SLC36A1: variants seen among roughly 807,000 people sequenced by gnomAD.
The protein encoded by SLC36A1 is solute carrier family 36 member 1, also known as proton-coupled amino acid transporter 1.
In SLC36A1, 30 loss-of-function variants were observed where a neutral mutation model predicts 47.5. The ratio of observed to expected loss-of-function variants is 0.63; its 90% confidence interval spans 0.47 to 0.86. The LOEUF is 0.86. Among genes scored for constraint, SLC36A1 ranks in the 40% least tolerant of loss-of-function variants. The probability of loss-of-function intolerance (pLI) is 0.00; values close to 1 mark genes in which losing one functional copy is unlikely to be tolerated. For synonymous variants in SLC36A1, 255 were observed against 249.7 expected (o/e 1.02, Z -0.20); for missense variants, 517 against 606.0 (o/e 0.85, Z 1.54).
chr5:151,421,269 T>G, the SLC36A1 span, among the ~76,000 whole-genome samples: 2 of 150,204 alleles, frequency 1.3e-5, no homozygotes, highest in Non-Finnish European at 3.0e-5. Flanking sequence ...TTTTTCAAGG[T>G]CTGGCTCTGT....
At position 151,490,377 on chromosome 5, in the gene SLC36A1, C is replaced by T. The variant is rs1244726862; in HGVS notation, c.*2123C>T. 1 of 152,234 alleles carries T rather than the reference C, an allele frequency of 6.6e-6. No individual in the cohort carries two copies. The highest frequency in any genetic ancestry group is 1.5e-5 in the Non-Finnish European group (1 of 68,074). 9.4% of individuals were successfully genotyped at this position (152,234 alleles called of 1,614,324 possible). A position where few individuals can be genotyped will look rare whatever the true frequency, so the allele number is the denominator to read the frequency against. On this transcript the variant is annotated 3_prime_UTR_variant, in exon 11 of 11. Transcript: ENST00000243389. ...CTTTCCCAGCGGTGCTAAGAGTGGT[C>T]TCAGTGAGAAGGTAGATGCCAACTG...
At chr5:151,450,160 G>A (rs1392613065) in intron 1 of SLC36A1, among the ~76,000 whole-genome samples, 1 of 152,072 alleles carries the variant, frequency 6.6e-6, no homozygotes, top group Non-Finnish European at 1.5e-5. Flanking sequence ...TTACTAGCAT[G>A]TAAAGTGGAT....
At chr5:151,472,745 A>G (rs192001209) in intron 7 of SLC36A1, among the ~76,000 whole-genome samples, 20 of 152,382 alleles carry the variant, frequency 1.3e-4, no homozygotes, top group Admixed American at 7.2e-4. Context: ...CTTCCCTTCC[A>G]GCTTTATCTT....
chr5:151,436,958 A>T (rs972513251), upstream of SLC36A1: 6 of 152,040 alleles, frequency 3.9e-5, no homozygotes, highest in African/African-American at 1.2e-4. Flanking sequence ...TTCTCCTCTC[A>T]TCTGAGCACT....
the SLC36A1 span, among the ~76,000 whole-genome samples, chr5:151,532,778 C>T: frequency 1.3e-5 from 2 of 152,202 alleles, no homozygotes; most frequent in African/African-American, 2.4e-5. Flanking sequence ...ATTTAAGGCT[C>T]GGCTGTGAGG....
At chr5:151,406,112 C>T in the SLC36A1 span, among the ~76,000 whole-genome samples, 1 of 152,346 alleles carries the variant, frequency 6.6e-6, no homozygotes, top group East Asian at 1.9e-4. Context: ...CCTCCAATCA[C>T]TGGTGCTGCA....
At chr5:151,453,778 T>TAA (rs568610788) in intron 1 of SLC36A1, among the ~76,000 whole-genome samples, 10 of 146,428 alleles carry the variant, frequency 6.8e-5, no homozygotes, top group Middle Eastern at 3.5e-3. Context: ...GGCCTTGCCT[T>TAA]AAAAAAAAAA....
chr5:151,380,811 C>T, the SLC36A1 span: 2 of 502,566 alleles, frequency 4.0e-6, no homozygotes, highest in South Asian at 1.6e-5. Flanking sequence ...GAAATGGTTC[C>T]ACCAGAACTG....
At chr5:151,386,238 G>T in the SLC36A1 span, among the ~76,000 whole-genome samples, 1 of 151,950 alleles carries the variant, frequency 6.6e-6, no homozygotes, top group African/African-American at 2.4e-5. Flanking sequence ...CCTACTGGCT[G>T]TTCACCAAGC....
At chr5:151,532,342 A>G in the SLC36A1 span, among the ~76,000 whole-genome samples, 2,640 of 152,240 alleles carry the variant, frequency 0.017, 61 homozygotes, top group East Asian at 0.095. Flanking sequence ...GGTTACAAGA[A>G]TCTAAACATG....
At chr5:151,428,956 C>G in the SLC36A1 span, among the ~76,000 whole-genome samples, 2 of 152,118 alleles carry the variant, frequency 1.3e-5, no homozygotes, top group Non-Finnish European at 2.9e-5. Context: ...ATTTTGAGCT[C>G]TTGAGGAGAA....
At chr5:151,537,340 A>T in the SLC36A1 span, among the ~76,000 whole-genome samples, 3 of 134,772 alleles carry the variant, frequency 2.2e-5, no homozygotes, top group Non-Finnish European at 3.4e-5. Context: ...AAAGAAAAGA[A>T]AAGAAAAGAA....
At chr5:151,511,308 CATGTT>C in the SLC36A1 span, 2 of 152,166 alleles carry the variant, frequency 1.3e-5, no homozygotes, top group African/African-American at 4.8e-5. Flanking sequence ...AGGAACCTCT[CATGTT>C]GTGTGTGATG....
intron 1 of SLC36A1, among the ~76,000 whole-genome samples, chr5:151,457,906 T>C (rs1754815464): frequency 6.6e-6 from 1 of 151,216 alleles, no homozygotes; most frequent in African/African-American, 2.4e-5. Flanking sequence ...TGGAGTGCAA[T>C]GGCACGATCT....
chr5:151,528,181 C>G, the SLC36A1 span: 1 of 1,603,788 alleles, frequency 6.2e-7, no homozygotes, highest in Non-Finnish European at 8.5e-7. Flanking sequence ...GAATCTTGAC[C>G]CCTGGGAGTA....
the SLC36A1 span, chr5:151,542,319 A>G: frequency 5.6e-6 from 9 of 1,611,576 alleles, no homozygotes; most frequent in Admixed American, 1.7e-5. Context: ...TGTTCTGCTC[A>G]GAAATGTCAG....
At chr5:151,391,611 AG>A in the SLC36A1 span, among the ~76,000 whole-genome samples, 1 of 152,316 alleles carries the variant, frequency 6.6e-6, no homozygotes, top group African/African-American at 2.4e-5. Flanking sequence ...TTTAGCATGA[AG>A]GGCTGTTGAA....
upstream of SLC36A1, among the ~76,000 whole-genome samples, chr5:151,444,694 C>G (rs964332353): frequency 6.6e-6 from 1 of 152,158 alleles, no homozygotes; most frequent in African/African-American, 2.4e-5. Context: ...CCATGTTGGC[C>G]AAGCTAGTCT....
the SLC36A1 span, chr5:151,381,346 G>A: frequency 5.5e-6 from 1 of 182,976 alleles, no homozygotes; most frequent in South Asian, 1.3e-4. Flanking sequence ...TTATGACTGA[G>A]ACAGTGAAAG....
Sources: allele counts gnomAD v4.1 joint callset (sites outside exome capture counted in the v4.1 genomes callset), GRCh38; gene constraint gnomAD v4.1.1; transcripts MANE v1.5; gene names NCBI Gene and HGNC (gene_info 2026-07-23, HGNC 2026-07-21).